The following ARMH4 variants were observed in gnomAD, a reference collection of about 807,000 sequenced individuals.
ARMH4 encodes the protein armadillo like helical domain containing 4.
A neutral mutation model predicts 61.9 loss-of-function variants in ARMH4; 49 were observed. The observed-to-expected ratio is 0.79, with a 90% CI of 0.63 to 1.00. ARMH4 has a LOEUF of 1.00. Among genes scored for constraint, ARMH4 ranks in the 50% least tolerant of loss-of-function variants. The pLI is 0.00. For missense variants in ARMH4, 934 were observed against 930.0 expected (o/e 1.00, Z -0.06); for synonymous variants, 368 against 341.5 (o/e 1.08, Z -0.85).
At chr14:58,028,091 C>G (rs961308863) in intron 5 of ARMH4, among the ~76,000 whole-genome samples, 2 of 152,176 alleles carry the variant, frequency 1.3e-5, no homozygotes, top group African/African-American at 4.8e-5. Flanking sequence ...AGAAGTACAG[C>G]CAGTCTCAAC....
chr14:58,071,951 G>T (rs1202900287), intron 5 of ARMH4, among the ~76,000 whole-genome samples: 1 of 152,190 alleles, frequency 6.6e-6, no homozygotes, highest in East Asian at 1.9e-4. Context: ...TGCCCCATGG[G>T]CACCTTTTTA....
intron 1 of ARMH4, among the ~76,000 whole-genome samples, chr14:58,149,794 AAC>A (rs763634500): frequency 6.6e-6 from 1 of 152,230 alleles, no homozygotes; most frequent in Non-Finnish European, 1.5e-5. Flanking sequence ...AAGGGTGGAG[AAC>A]ACACACAAAA....
chr14:58,051,857 T>C (rs1884153565), intron 5 of ARMH4, among the ~76,000 whole-genome samples: 1 of 152,116 alleles, frequency 6.6e-6, no homozygotes, highest in Admixed American at 6.6e-5. Context: ...CCAACTGAGT[T>C]TCATAGAGCA....
intron 5 of ARMH4, among the ~76,000 whole-genome samples, chr14:58,013,517 G>A (rs551514803): frequency 1.3e-5 from 2 of 152,108 alleles, no homozygotes; most frequent in South Asian, 2.1e-4. Context: ...CCAAGAAGTC[G>A]GTGCCTCCAT....
intron 5 of ARMH4, among the ~76,000 whole-genome samples, chr14:58,081,083 C>T (rs543698338): frequency 6.7e-6 from 1 of 150,190 alleles, no homozygotes; most frequent in Non-Finnish European, 1.5e-5. Flanking sequence ...GCCGGGGACA[C>T]AGAGCAAGAC....
chr14:58,131,142 C>T (rs1338997411), intron 4 of ARMH4: 1 of 190,634 alleles, frequency 5.2e-6, no homozygotes, highest in East Asian at 1.5e-4. Flanking sequence ...GAGTCTCTGT[C>T]ACAGCTTCTT....
intron 4 of ARMH4, among the ~76,000 whole-genome samples, chr14:58,125,212 G>A (rs1003980484): frequency 6.6e-6 from 1 of 151,896 alleles, no homozygotes; most frequent in Admixed American, 6.6e-5. Flanking sequence ...CCCTAGTATG[G>A]GGTAATCCCC....
intron 5 of ARMH4, among the ~76,000 whole-genome samples, chr14:58,020,375 C>T (rs1882779249): frequency 6.6e-6 from 1 of 152,170 alleles, no homozygotes; most frequent in East Asian, 1.9e-4. Context: ...CTTCTCCTCT[C>T]TGTTCCCTCG....
chr14:58,050,407 CCTCT>C (rs1279110150), intron 5 of ARMH4, among the ~76,000 whole-genome samples: 1 of 152,160 alleles, frequency 6.6e-6, no homozygotes, highest in Non-Finnish European at 1.5e-5. Flanking sequence ...TTCATGCCTT[CCTCT>C]CTCTCTACCC....
chr14:58,138,577 G>A lies in ARMH4; in HGVS notation c.782C>T (p.Thr261Ile). ...GGCAGCAGCCTGGGTGTTATCAGCT[G>A]TCATCTGCGAAGGCTTCTCCTTATC... ...TPDKEKPSQM[T>I]ADNTQAAATK... is the part of the protein sequence containing the mutation. Residue 261 changes from threonine to isoleucine, a missense_variant, in exon 2 of 8, where the codon ACA (threonine) becomes ATA (isoleucine). Physicochemically the swap from Thr to Ile is moderately conservative, Grantham distance 89. Transcript: ENST00000267485. The A allele has an allele frequency of 1.2e-6, 2 of 1,614,222 alleles. No homozygotes were observed. Among genetic ancestry groups the A allele is most frequent in the South Asian group, 1.1e-5 (1 of 91,084 alleles).
At chr14:58,116,537 G>T (rs777688356) in intron 4 of ARMH4, 1 of 238,448 alleles carries the variant, frequency 4.2e-6, no homozygotes, top group Non-Finnish European at 9.0e-6. Flanking sequence ...TTGGCTGGGT[G>T]GGGTGCTGCA....
intron 4 of ARMH4, among the ~76,000 whole-genome samples, chr14:58,124,706 G>A (rs953640111): frequency 1.3e-5 from 2 of 152,144 alleles, no homozygotes; most frequent in Non-Finnish European, 2.9e-5. Flanking sequence ...TGCTCGAGGG[G>A]ACCTTTTAGA....
At position 58,131,660 on chromosome 14, in the gene ARMH4, C is replaced by T. The variant is rs1887109332; in HGVS notation, c.1683G>A (p.Val561=). ...EEFTPVLGSP[V]TPPGIMVGEP... ...CCCCCACCATTATTCCAGGAGGTGT[C>T]ACTGGAGATCCCAGAACTGGTGTGA... The change falls in exon 4 of 8, where the codon GTG becomes GTA. Residue 561 remains valine, a synonymous_variant. Transcript: ENST00000267485. The T allele has an allele frequency of 6.2e-7, 1 of 1,614,004 alleles. No homozygotes were observed. The highest frequency in any genetic ancestry group is 2.2e-5 in the East Asian group (1 of 44,882).
intron 4 of ARMH4, among the ~76,000 whole-genome samples, chr14:58,098,083 C>T (rs1351952102): frequency 6.6e-6 from 1 of 152,128 alleles, no homozygotes; most frequent in Non-Finnish European, 1.5e-5. Flanking sequence ...ACAGCAGTTA[C>T]TGCAACAGGT....
At chr14:58,070,736 T>C (rs2141227240) in intron 5 of ARMH4, among the ~76,000 whole-genome samples, 1 of 152,368 alleles carries the variant, frequency 6.6e-6, no homozygotes, top group East Asian at 1.9e-4. Flanking sequence ...TTTAAGCTAT[T>C]TTAAAATGTA....
intron 5 of ARMH4, among the ~76,000 whole-genome samples, chr14:58,086,193 T>C (rs1708363836): frequency 1.3e-5 from 2 of 152,218 alleles, no homozygotes; most frequent in South Asian, 4.1e-4. Context: ...ATTCAGCGGC[T>C]AAGCTGATCA....
chr14:58,103,650 G>GT (rs1034020259), intron 4 of ARMH4, among the ~76,000 whole-genome samples: 2 of 151,664 alleles, frequency 1.3e-5, no homozygotes, highest in African/African-American at 4.8e-5. Flanking sequence ...GTGCAGTAAT[G>GT]TGCACATGGC....
chr14:58,033,313 G>C (rs1883342414), intron 5 of ARMH4, among the ~76,000 whole-genome samples: 1 of 102,274 alleles, frequency 9.8e-6, no homozygotes, highest in Non-Finnish European at 2.2e-5. Context: ...CACACGGCAG[G>C]GTATTCCAAC....
intron 5 of ARMH4, among the ~76,000 whole-genome samples, chr14:58,043,405 C>T (rs564813048): frequency 9.9e-5 from 15 of 152,214 alleles, no homozygotes; most frequent in Admixed American, 2.0e-4. Flanking sequence ...AATTCAACAA[C>T]GCTTCATGCT....
Sources: allele counts gnomAD v4.1 joint callset (sites outside exome capture counted in the v4.1 genomes callset), GRCh38; gene constraint gnomAD v4.1.1; transcripts MANE v1.5; gene names NCBI Gene and HGNC (gene_info 2026-07-23, HGNC 2026-07-21).